The following SRGAP3 variants were observed in gnomAD, a reference collection of about 807,000 sequenced individuals.
The protein encoded by SRGAP3 is SLIT-ROBO Rho GTPase-activating protein 3.
Under a neutral mutation model 121.1 loss-of-function variants are expected in SRGAP3, and 39 were observed. The observed-to-expected ratio is 0.32, with a 90% CI of 0.25 to 0.42. The LOEUF is 0.42. Ranked by LOEUF, SRGAP3 falls within the 10% of genes least tolerant of loss-of-function variation. The pLI, the probability that SRGAP3 is intolerant of heterozygous loss-of-function variation, is 1.00. For missense variants in SRGAP3, 1,213 were observed against 1,470.6 expected, an observed-to-expected ratio of 0.82 and a Z score of 2.86; for synonymous variants, 601 against 570.0, an observed-to-expected ratio of 1.05 and a Z score of -0.77.
At chr3:9,111,065 C>T (rs1267719174) in intron 2 of SRGAP3, among the ~76,000 whole-genome samples, 5 of 152,250 alleles carry the variant, frequency 3.3e-5, no homozygotes, top group African/African-American at 9.6e-5. Flanking sequence ...GCAGTTCATG[C>T]ATTCCATACA....
At chr3:9,026,297 T>C (rs1318286954) in intron 13 of SRGAP3, among the ~76,000 whole-genome samples, 1 of 152,234 alleles carries the variant, frequency 6.6e-6, no homozygotes, top group Non-Finnish European at 1.5e-5. Flanking sequence ...ATGATATTAT[T>C]TATTTTTCCA....
At chr3:9,079,839 T>C (rs1388656068) in intron 4 of SRGAP3, among the ~76,000 whole-genome samples, 186 bp downstream of exon 4, 2 of 152,200 alleles carry the variant, frequency 1.3e-5, no homozygotes, top group East Asian at 3.8e-4. Context: ...CTGCCCCAGA[T>C]GTACAGAATC....
intron 3 of SRGAP3, among the ~76,000 whole-genome samples, chr3:9,277,737 C>CG (rs1236512528): frequency 6.6e-6 from 1 of 151,780 alleles, no homozygotes; most frequent in Non-Finnish European, 1.5e-5. Flanking sequence ...GTTGAGATGG[C>CG]GCCACTACAC....
intron 3 of SRGAP3, chr3:9,256,931 G>A (rs777315651): frequency 7.8e-5 from 31 of 398,228 alleles, no homozygotes; most frequent in Non-Finnish European, 1.2e-4. Context: ...AGATTCTAGA[G>A]CTGAGTTTAA....
intron 18 of SRGAP3, among the ~76,000 whole-genome samples, chr3:9,005,323 T>C (rs1226479753): frequency 6.6e-6 from 1 of 152,234 alleles, no homozygotes; most frequent in Non-Finnish European, 1.5e-5. Flanking sequence ...CATACACTGA[T>C]GATGATATTG....
In SRGAP3 at chr3:9,308,967, T is replaced by C. The variant is rs17050223; in HGVS notation, n.442+17043A>G. On this transcript the variant is annotated intron_variant and non_coding_transcript_variant, in intron 3 of 3. Coordinates refer to the SRGAP3 transcript ENST00000490889. Reference sequence around the variant, plus strand: ...AGGCATCCTGATATTCACATCCTCATATGTCGTTCTCTCCCACACTGATTC... The same window carrying C: ...AGGCATCCTGATATTCACATCCTCACATGTCGTTCTCTCCCACACTGATTC... Among the ~76,000 whole-genome samples, 139 of 152,316 alleles carry C rather than the reference T, an allele frequency of 9.1e-4. 1 individual carries two copies. In the East Asian group the frequency reaches 0.022, roughly 24 times the overall value.
intron 3 of SRGAP3, among the ~76,000 whole-genome samples, chr3:9,089,306 G>A (rs1193805452): frequency 2.1e-5 from 2 of 94,490 alleles, no homozygotes; most frequent in African/African-American, 3.7e-5. Flanking sequence ...GGGGGGGGGG[G>A]GGCTGGAGGC....
At chr3:9,018,740 T>C (rs1412158917) in intron 14 of SRGAP3, among the ~76,000 whole-genome samples, 1 of 152,200 alleles carries the variant, frequency 6.6e-6, no homozygotes, top group African/African-American at 2.4e-5. Context: ...TTTTAGGTAG[T>C]AATTTTTTTT....
At chr3:9,124,240 C>T (rs1949134160) in intron 2 of SRGAP3, among the ~76,000 whole-genome samples, 1 of 152,134 alleles carries the variant, frequency 6.6e-6, no homozygotes, top group Non-Finnish European at 1.5e-5. Context: ...TGAGGTCCTC[C>T]AGGAGAGCAA....
chr3:9,231,065 T>C (rs1275034926), intron 1 of SRGAP3, among the ~76,000 whole-genome samples: 3 of 152,066 alleles, frequency 2.0e-5, no homozygotes, highest in African/African-American at 7.2e-5. Context: ...CCAAATTGAA[T>C]CTCAGATAAT....
Position 9,153,750 on chromosome 3 carries a change from T to C in SRGAP3, c.68-28833A>G, listed in dbSNP as rs558775899. Among the ~76,000 whole-genome samples the C allele has an allele frequency of 1.3e-3, 193 of 151,496 alleles. 1 individual carries two copies. Among genetic ancestry groups the C allele is most frequent in the African/African-American group, 4.2e-3 (174 of 40,964 alleles). ...CATCTTGCTATATGTACTCTAATTA[T>C]GACATATTATTGTATACATTATACA... On this transcript the variant is annotated intron_variant, in intron 1 of 21. Transcript: ENST00000383836.
At chr3:9,067,364 G>T (rs1002969981) in intron 4 of SRGAP3, among the ~76,000 whole-genome samples, 2 of 151,942 alleles carry the variant, frequency 1.3e-5, no homozygotes, top group Admixed American at 1.3e-4. Context: ...TTCTTCATGG[G>T]TCTTGGTGGA....
rs1941526435 is a variant in SRGAP3, at chr3:8,983,526, G to C, written c.*1993C>G. 1 of 230,076 alleles carries C rather than the reference G, an allele frequency of 4.3e-6. No homozygotes were observed. 14.3% of individuals were successfully genotyped at this position (230,076 alleles called of 1,614,324 possible). A position where few individuals can be genotyped will look rare whatever the true frequency, so the allele number is the denominator to read the frequency against. On this transcript the variant is annotated 3_prime_UTR_variant, in exon 22 of 22. Transcript: ENST00000383836. The stretch of plus-strand genomic sequence containing the variant: ...TTGGGTGTATTTACCTTTTCGCGGG[G>C]GACCAGAGGAGAGGGCACCACTTCA...
At chr3:9,026,008 A>G (rs1944180789) in intron 13 of SRGAP3, among the ~76,000 whole-genome samples, 1 of 152,188 alleles carries the variant, frequency 6.6e-6, no homozygotes, top group East Asian at 1.9e-4. Context: ...TACTTAAACA[A>G]TATTGAACTT....
Position 9,283,694 on chromosome 3 carries a change from T to A in SRGAP3, n.442+42316A>T, listed in dbSNP as rs570609090. Among the ~76,000 whole-genome samples the A allele has an allele frequency of 3.5e-3, 530 of 151,678 alleles. 2 individuals carry two copies. The highest frequency in any genetic ancestry group is 0.021 in the Middle Eastern group (6 of 292). The stretch of plus-strand genomic sequence containing the variant: ...GGTCTTTGTTAAAAGATAATTTTTT[T>A]AAAAAAAAGAAAAAAAGGTAAAACC... On this transcript the variant is annotated intron_variant and non_coding_transcript_variant, in intron 3 of 3. Coordinates refer to the SRGAP3 transcript ENST00000490889.
intron 14 of SRGAP3, among the ~76,000 whole-genome samples, chr3:9,017,177 T>C (rs1943681110): frequency 6.6e-6 from 1 of 152,178 alleles, no homozygotes; most frequent in African/African-American, 2.4e-5. Flanking sequence ...GTGTGCTCAT[T>C]GCTACAGAAG....
intron 1 of SRGAP3, among the ~76,000 whole-genome samples, chr3:9,205,355 C>CCCTGCAA (rs2125166617): frequency 6.6e-6 from 1 of 152,330 alleles, no homozygotes; most frequent in Non-Finnish European, 1.5e-5. Flanking sequence ...CAGAATCCAT[C>CCCTGCAA]GTGGATTTTG....
intron 16 of SRGAP3, 77 bp downstream of exon 16, chr3:9,013,660 T>C: frequency 6.4e-7 from 1 of 1,572,928 alleles, no homozygotes; most frequent in Non-Finnish European, 8.7e-7. Flanking sequence ...AAACAGCATC[T>C]GCAAAAGCCT....
chr3:9,184,322 T>C (rs1261563490), intron 1 of SRGAP3, among the ~76,000 whole-genome samples: 3 of 152,088 alleles, frequency 2.0e-5, no homozygotes, highest in Non-Finnish European at 4.4e-5. Flanking sequence ...GGATTAGACA[T>C]AGAGACTTTG....
Sources: gnomAD v4.1 joint callset for allele counts (sites outside exome capture counted in the v4.1 genomes callset) on GRCh38, gnomAD v4.1.1 for gene constraint, MANE v1.5 for transcripts, NCBI Gene and HGNC (gene_info 2026-07-23, HGNC 2026-07-21) for gene names.